Variants in PLEKHG2 observed in about 807,000 individuals in gnomAD.
The protein encoded by PLEKHG2 is pleckstrin homology and RhoGEF domain containing G2.
A neutral mutation model predicts 104.4 loss-of-function variants in PLEKHG2; 71 were observed. The observed-to-expected ratio is 0.68, with a 90% CI of 0.56 to 0.83. The LOEUF (loss-of-function observed/expected upper bound fraction) is 0.83. Ranked by LOEUF, PLEKHG2 falls within the 40% of genes least tolerant of loss-of-function variation. The pLI, the probability that PLEKHG2 is intolerant of heterozygous loss-of-function variation, is 0.00. For synonymous variants in PLEKHG2, 728 were observed against 737.0 expected (o/e 0.99, Z 0.20); for missense variants, 1,730 against 1,809.4 (o/e 0.96, Z 0.80).
At chr19:39,414,278 C>G in intron 2 of PLEKHG2, 83 bp downstream of exon 2, 1 of 1,365,014 alleles carries the variant, frequency 7.3e-7, no homozygotes, top group South Asian at 1.3e-5. Context: ...TGGAGACAAC[C>G]CCAGGCCAAC....
chr19:39,425,132 C>T lies in PLEKHG2; in HGVS notation c.3999C>T (p.Leu1333=). 1 of 1,586,066 alleles carries T rather than the reference C, an allele frequency of 6.3e-7. No individual in the cohort carries two copies. Among genetic ancestry groups the T allele is most frequent in the Non-Finnish European group, 8.6e-7 (1 of 1,167,712 alleles). Residue 1333 remains leucine, a synonymous_variant, in exon 19 of 19, where the codon CTC becomes CTT. Coordinates refer to ENST00000425673, the MANE Select transcript of PLEKHG2 (RefSeq NM_022835.3). ...CACCACCTCCCCCAGCCAGGCGGCT[C>T]AGCTATGCCACGACGGTTAACATCC... The part of the protein sequence containing the change: ...PQPPPPPARR[L]SYATTVNIHV...
Position 39,425,054 on chromosome 19 carries a change from CTGG to C in PLEKHG2, c.3923_3925del (p.Trp1308del). ...GGGCCCCCGCAGCCTCCCGGGGCTC[CTGG>C]TCCTCTGCTCCCACGTCACGGGCAT... On this transcript the variant is annotated inframe_deletion, in exon 19 of 19. Coordinates refer to ENST00000425673, the MANE Select transcript of PLEKHG2 (RefSeq NM_022835.3). 1 of 1,598,942 alleles carries C rather than the reference CTGG, an allele frequency of 6.3e-7. No individual in the cohort carries two copies. Among genetic ancestry groups the C allele is most frequent in the Non-Finnish European group, 8.5e-7 (1 of 1,173,196 alleles).
At position 39,427,776 on chromosome 19, in the gene PLEKHG2, T is replaced by C. The variant is rs2146033051; in HGVS notation, c.*2482T>C. The C allele has an allele frequency of 6.5e-6, 1 of 152,964 alleles. No individual in the cohort carries two copies. The allele number at this position is 152,964 out of a possible 1,614,324, so 9.5% of individuals were successfully genotyped here. A position where few individuals can be genotyped will look rare whatever the true frequency, so the allele number is the denominator to read the frequency against. ...TCCTAATATGCAAGTGAGCATGTTT[T>C]TTAATCCTCAGTCTAGAGGTGAGGA... On this transcript the variant is annotated 3_prime_UTR_variant, in exon 19 of 19. Transcript: ENST00000425673.
chr19:39,414,475 T>G (rs1716539795), intron 2 of PLEKHG2, among the ~76,000 whole-genome samples: 1 of 150,896 alleles, frequency 6.6e-6, no homozygotes, highest in Non-Finnish European at 1.5e-5. Flanking sequence ...GGGGAAGGAG[T>G]TGCGCAAAGA....
chr19:39,420,791 C>G lies in PLEKHG2; in HGVS notation c.1338C>G (p.Pro446=). The change falls in exon 13 of 19, where the codon CCC becomes CCG. Residue 446 remains proline (P), a synonymous_variant. Coordinates refer to ENST00000425673, the MANE Select transcript of PLEKHG2 (RefSeq NM_022835.3). ...AGCCTGTCCTAGAGCCCCTGACACCCCCACTTGGGTCTCCTCGACCTCGAG... is the reference window on the plus strand; with the variant it reads ...AGCCTGTCCTAGAGCCCCTGACACCGCCACTTGGGTCTCCTCGACCTCGAG... ...KSKPVLEPLT[P]PLGSPRPRDA... 1 of 1,614,178 alleles carries G rather than the reference C, an allele frequency of 6.2e-7. No individual in the cohort carries two copies. The highest frequency in any genetic ancestry group is 8.5e-7 in the Non-Finnish European group (1 of 1,180,038).
rs1600665124 is a variant in PLEKHG2 at position 39,423,631 on chromosome 19, G to A, written c.2577G>A (p.Leu859=). Residue 859 remains leucine (L), a synonymous_variant, in exon 18 of 19, where the codon CTG becomes CTA. Coordinates refer to ENST00000425673, the MANE Select transcript of PLEKHG2 (RefSeq NM_022835.3). ...VLAQPQPSPC[L]PQEQAEPGLL... Reference sequence around the variant, plus strand: ...CCCAACCCCAGCCATCCCCCTGTCTGCCCCAGGAGCAGGCAGAGCCAGGTG... The same window carrying A: ...CCCAACCCCAGCCATCCCCCTGTCTACCCCAGGAGCAGGCAGAGCCAGGTG... 1 of 1,536,570 alleles carries A rather than the reference G, an allele frequency of 6.5e-7. No homozygotes were observed. The highest frequency in any genetic ancestry group is 2.3e-5 in the East Asian group (1 of 44,302).
chr19:39,420,504 A>G lies in PLEKHG2; in HGVS notation c.1264-122A>G, dbSNP rs546710557. ...GCACCACTGTACTCCAACCTGGCGT[A>G]TAGAGCAAGATCTAAAAACAAAAAC... On this transcript the variant is annotated intron_variant, in intron 11 of 18. Transcript: ENST00000425673. 23 of 1,259,148 alleles carry G rather than the reference A, an allele frequency of 1.8e-5. No individual in the cohort carries two copies. The East Asian group carries it at 4.4e-4, about 24-fold the overall frequency. The allele number at this position is 1,259,148 out of a possible 1,614,324, so 78.0% of individuals were successfully genotyped here.
At chr19:39,418,580 A>G (rs1348586472) in intron 9 of PLEKHG2, among the ~76,000 whole-genome samples, 154 bp from the exon 10 acceptor site, 1 of 147,522 alleles carries the variant, frequency 6.8e-6, no homozygotes, top group South Asian at 2.1e-4. Flanking sequence ...CTCTGTCTCA[A>G]AAAAAAAAAA....
At position 39,424,191 on chromosome 19, in the gene PLEKHG2, C is replaced by G. The variant is rs751990420; in HGVS notation, c.3058C>G (p.Pro1020Ala). The G allele has an allele frequency of 1.2e-6, 2 of 1,614,192 alleles. No homozygotes were observed. The highest frequency in any genetic ancestry group is 1.7e-6 in the Non-Finnish European group (2 of 1,180,028). The change falls in exon 19 of 19, where the codon CCA becomes GCA. Residue 1020 changes from proline (P) to alanine (A), a missense_variant. Coordinates refer to ENST00000425673, the MANE Select transcript of PLEKHG2 (RefSeq NM_022835.3). The stretch of plus-strand genomic sequence containing the variant: ...TGCGGACATCCACGTTCCCACCACT[C>G]CAGCTTTGCCCAAGGAGATTTGTTC... The part of the protein sequence containing the change: ...HCADIHVPTT[P>A]ALPKEICSDF...
At position 39,417,977 on chromosome 19, in the gene PLEKHG2, G is replaced by T; in HGVS notation, c.955G>T (p.Ala319Ser). ...SAFGELVLEG[A>S]FRGGGGGGPR... ...TTTTGGGGAACTGGTGTTGGAGGGC[G>T]CGTTCCGAGGAGGCGGAGGGGGTGG... is the stretch of plus-strand genomic sequence containing the variant. Residue 319 changes from alanine (A) to serine (S), a missense_variant, in exon 9 of 19, where the codon GCG becomes TCG. Transcript: ENST00000425673. The T allele has an allele frequency of 6.5e-7, 1 of 1,545,808 alleles. No homozygotes were observed.
rs746200248 is a variant in PLEKHG2 at position 39,420,971 on chromosome 19, G to A, written c.1422G>A (p.Val474=). 1.2e-6 allele frequency: 2 copies of A among 1,614,036 alleles called. No homozygotes were observed. The highest frequency in any genetic ancestry group is 1.7e-6 in the Non-Finnish European group (2 of 1,180,030). The change falls in exon 14 of 19, where the codon GTG becomes GTA. Residue 474 remains valine (V), a synonymous_variant. Coordinates refer to ENST00000425673, the MANE Select transcript of PLEKHG2 (RefSeq NM_022835.3). ...RNTAPSPGPS[V]IRRGRRQSEP... Reference sequence around the variant, plus strand: ...CAGCTCCATCTCCTGGGCCCTCTGTGATTCGCCGAGGCCGCAGGCAGTCTG... The same window carrying A: ...CAGCTCCATCTCCTGGGCCCTCTGTAATTCGCCGAGGCCGCAGGCAGTCTG...
In PLEKHG2 at chr19:39,424,657, C is replaced by T; in HGVS notation, c.3524C>T (p.Pro1175Leu). ...KQGSLPDIQG[P>L]AAAPPLPEPS... ...GGAAGCCTCCCAGACATCCAGGGTC[C>T]AGCGGCTGCACCTCCACTTCCGGAG... Residue 1175 changes from proline to leucine, a missense_variant, in exon 19 of 19, where the codon CCA becomes CTA. Coordinates refer to ENST00000425673, the MANE Select transcript of PLEKHG2 (RefSeq NM_022835.3). 6.2e-7 allele frequency: 1 copy of T among 1,614,162 alleles called. No individual in the cohort carries two copies. Among genetic ancestry groups the T allele is most frequent in the Non-Finnish European group, 8.5e-7 (1 of 1,180,038 alleles).
Position 39,416,391 on chromosome 19 carries a change from A to T in PLEKHG2, c.523A>T (p.Ile175Phe), listed in dbSNP as rs149192528. ...DLENSSSAGGIAECFVQRSED... is the reference protein window; with the variant it reads ...DLENSSSAGGFAECFVQRSED... ...GGAGAACAGCAGCAGCGCCGGGGGT[A>T]TTGCCGAGTGCTTCGTGCAGAGGGT... is the stretch of plus-strand genomic sequence containing the variant. The change falls in exon 5 of 19, where the codon ATT becomes TTT. Residue 175 changes from isoleucine (I) to phenylalanine (F), a missense_variant. Ile to Phe is a conservative substitution (Grantham distance 21, BLOSUM62 0). Coordinates refer to ENST00000425673, the MANE Select transcript of PLEKHG2 (RefSeq NM_022835.3). This position sits in a 1 kb window ranked among gnomAD's most constrained non-coding sequence, Gnocchi z 4.5. 37 of 1,611,314 alleles carry T rather than the reference A, an allele frequency of 2.3e-5. No individual in the cohort carries two copies. Among genetic ancestry groups the T allele is most frequent in the Non-Finnish European group, 2.8e-5 (33 of 1,179,336 alleles).
In PLEKHG2 at chr19:39,416,498, G is replaced by A. The variant is rs982794275; in HGVS notation, c.547-53G>A. ...GCAGGCTTGGGCTAGGCTGGAAGGG[G>A]GGTCGTGGGAAGCCAGGACCTGGGG... is the stretch of plus-strand genomic sequence containing the variant. On this transcript the variant is annotated intron_variant, in intron 5 of 18. Transcript: ENST00000425673. The surrounding 1 kb of genome is among the most constrained non-coding windows in gnomAD (Gnocchi z 4.5). 3.1e-6 allele frequency: 5 copies of A among 1,612,454 alleles called. No individual in the cohort carries two copies. The highest frequency in any genetic ancestry group is 2.7e-5 in the African/African-American group (2 of 74,774).
chr19:39,423,623 C>T lies in PLEKHG2; in HGVS notation c.2569C>T (p.Pro857Ser), dbSNP rs1013004711. Residue 857 changes from proline to serine, a missense_variant, in exon 18 of 19, where the codon CCC becomes TCC. By Grantham distance (74) the Pro-to-Ser change is moderately conservative (BLOSUM62 -1). Transcript: ENST00000425673. ...PRVLAQPQPS[P>S]CLPQEQAEPG... ...GGTTCTGGCCCAACCCCAGCCATCC[C>T]CCTGTCTGCCCCAGGAGCAGGCAGA... is the stretch of plus-strand genomic sequence containing the variant. 1 of 1,535,190 alleles carries T rather than the reference C, an allele frequency of 6.5e-7. No homozygotes were observed. Among genetic ancestry groups the T allele is most frequent in the African/African-American group, 1.4e-5 (1 of 72,386 alleles).
rs2078785382 is a variant in PLEKHG2 at position 39,426,658 on chromosome 19, C to T, written c.*1364C>T. On this transcript the variant is annotated 3_prime_UTR_variant, in exon 19 of 19. Coordinates refer to ENST00000425673, the MANE Select transcript of PLEKHG2 (RefSeq NM_022835.3). Reference sequence around the variant, plus strand: ...CCCTCTGAGCCGGTTTTCTCATCTACAAAATGAAGACAACAGTACTTCCCT... The same window carrying T: ...CCCTCTGAGCCGGTTTTCTCATCTATAAAATGAAGACAACAGTACTTCCCT... 6.6e-6 allele frequency: 1 copy of T among 152,192 alleles called. No homozygotes were observed. The highest frequency in any genetic ancestry group is 1.5e-5 in the Non-Finnish European group (1 of 68,030). The allele number at this position is 152,192 out of a possible 1,614,324, so 9.4% of individuals were successfully genotyped here. A position where few individuals can be genotyped will look rare whatever the true frequency, so the allele number is the denominator to read the frequency against.
Position 39,424,815 on chromosome 19 carries a change from C to G in PLEKHG2, c.3682C>G (p.Pro1228Ala), listed in dbSNP as rs2078757756. The change falls in exon 19 of 19, where the codon CCC becomes GCC. Residue 1228 changes from proline (P) to alanine (A), a missense_variant. Physicochemically the swap from Pro to Ala is conservative, Grantham distance 27. Transcript: ENST00000425673. ...CTCTCTAGACATTCAGGGCCTCTCA[C>G]CCACCCCAGTTCAGACCACCATGGT... ...GGSLDIQGLSPTPVQTTMVLS... is the reference protein window; with the variant it reads ...GGSLDIQGLSATPVQTTMVLS... 10 of 1,614,214 alleles carry G rather than the reference C, an allele frequency of 6.2e-6. No homozygotes were observed. Among genetic ancestry groups the G allele is most frequent in the Non-Finnish European group, 6.8e-6 (8 of 1,180,028 alleles).
chr19:39,419,834 C>T (rs577323613), intron 11 of PLEKHG2, among the ~76,000 whole-genome samples: 2 of 150,728 alleles, frequency 1.3e-5, no homozygotes, highest in South Asian at 2.1e-4. Flanking sequence ...GCCTAGGTTG[C>T]GTCACTGCGC....
In PLEKHG2 at chr19:39,421,078, C is replaced by T. The variant is rs761646043; in HGVS notation, c.1451C>T (p.Pro484Leu). Reference sequence around the variant, plus strand: ...CATCACTGTGTCCTCCCCGCAGAGCCGGTGAAGGACCCTTATGTCATGTTC... The same window carrying T: ...CATCACTGTGTCCTCCCCGCAGAGCTGGTGAAGGACCCTTATGTCATGTTC... ...VIRRGRRQSE[P>L]VKDPYVMFPQ... The change falls in exon 15 of 19, where the codon CCG (proline) becomes CTG (leucine). Residue 484 changes from proline (P) to leucine (L), a missense_variant. Physicochemically the swap from Pro to Leu is moderately conservative, Grantham distance 98 (BLOSUM62 -3). Transcript: ENST00000425673. 47 of 1,612,226 alleles carry T rather than the reference C, an allele frequency of 2.9e-5. No homozygotes were observed. Among genetic ancestry groups the T allele is most frequent in the Non-Finnish European group, 3.9e-5 (46 of 1,179,048 alleles).
Sources: gnomAD v4.1 joint callset for allele counts (sites outside exome capture counted in the v4.1 genomes callset) on GRCh38, gnomAD v4.1.1 for gene constraint, Gnocchi (gnomAD v3.1) non-coding constraint, MANE v1.5 for transcripts, NCBI Gene and HGNC (gene_info 2026-07-23, HGNC 2026-07-21) for gene names.